Variants in MUC5AC observed in about 807,000 individuals in gnomAD.
MUC5AC encodes mucin-5AC.
A neutral mutation model predicts 169.7 loss-of-function variants in MUC5AC; 158 were observed. The observed-to-expected ratio is 0.93, with a 90% CI of 0.82 to 1.06. The LOEUF is 1.06. Among genes scored for constraint, MUC5AC ranks in the 50% least tolerant of loss-of-function variants. The pLI is 0.00. For synonymous variants in MUC5AC, 1,975 were observed against 1,237.0 expected, an observed-to-expected ratio of 1.60 and a Z score of -12.52; for missense variants, 4,359 against 3,089.9, an observed-to-expected ratio of 1.41 and a Z score of -9.74.
At chr11:1,178,108 C>G (rs973215631) in intron 24 of MUC5AC, among the ~76,000 whole-genome samples, 1 of 152,246 alleles carries the variant, frequency 6.6e-6, no homozygotes, top group African/African-American at 2.4e-5. Context: ...TTACCTCAGT[C>G]TGCAAGACCC....
In MUC5AC at chr11:1,196,737, G is replaced by C. The variant is rs763438820; in HGVS notation, c.15829+17G>C. 1 of 744,054 alleles carries C rather than the reference G, an allele frequency of 1.3e-6. No homozygotes were observed. Among genetic ancestry groups the C allele is most frequent in the Non-Finnish European group, 2.5e-6 (1 of 408,084 alleles). The allele number at this position is 744,054 out of a possible 1,614,324, so 46.1% of individuals were successfully genotyped here. On this transcript the variant is annotated intron_variant, in intron 39 of 48. Transcript: ENST00000621226. The stretch of plus-strand genomic sequence containing the variant: ...GCTGCCCCAGTACGTGCCCCAGGCC[G>C]GGGCTGGGGGGTGTGGCAGGACTGG...
chr11:1,194,008 C>T (rs971271688), intron 33 of MUC5AC, 102 bp from the exon 34 acceptor site: 7 of 693,290 alleles, frequency 1.0e-5, no homozygotes, highest in East Asian at 5.1e-5. Context: ...TGAGATGAGA[C>T]GGTGGGGGGT....
At chr11:1,197,821 G>T in intron 41 of MUC5AC, 82 bp from the exon 42 acceptor site, 2 of 648,126 alleles carry the variant, frequency 3.1e-6, no homozygotes, top group Non-Finnish European at 2.8e-6. Flanking sequence ...TAGGCGGTCC[G>T]CAATCCTAGA....
In MUC5AC at chr11:1,190,569, A is replaced by G. The variant is rs1861063750; in HGVS notation, c.12424A>G (p.Thr4142Ala). 21 of 696,654 alleles carry G rather than the reference A, an allele frequency of 3.0e-5. No individual in the cohort carries two copies. In the South Asian group the frequency reaches 3.2e-4, roughly 10 times the overall value. 43.2% of individuals were successfully genotyped at this position (696,654 alleles called of 1,614,324 possible). ...TACAACCAGCACGACCTCAGCTCCT[A>G]CACACAGAACGACTTCTGGTCCTAC... The part of the protein sequence containing the change: ...APTTSTTSAP[T>A]HRTTSGPTTS... The change falls in exon 31 of 49, where the codon ACA becomes GCA. Residue 4142 changes from threonine (T) to alanine (A), a missense_variant. Transcript: ENST00000621226.
At chr11:1,160,456 A>AC (rs33962059) in intron 1 of MUC5AC, among the ~76,000 whole-genome samples, 156 bp from the exon 2 acceptor site, 3 of 151,154 alleles carry the variant, frequency 2.0e-5, no homozygotes, top group African/African-American at 7.3e-5. Flanking sequence ...GCCTCCTAGG[A>AC]CCCCCCCAAC....
chr11:1,199,738 C>T lies in MUC5AC; in HGVS notation c.16559C>T (p.Pro5520Leu), dbSNP rs1160681873. 4.6e-5 allele frequency: 33 copies of T among 711,484 alleles called. No homozygotes were observed. The East Asian group carries it at 6.1e-4, about 13-fold the overall frequency. The allele number at this position is 711,484 out of a possible 1,614,324, so 44.1% of individuals were successfully genotyped here. The change falls in exon 47 of 49, where the codon CCG (proline) becomes CTG (leucine). Residue 5520 changes from proline to leucine, a missense_variant. Transcript: ENST00000621226. ...AAGGACGGCTGCTGCCGCTTCTGCC[C>T]GCCGCCCCCGCCCCCGTACCAGAAC... ...MSKDGCCRFC[P>L]PPPPPYQNQS...
rs1861074971 is a variant in MUC5AC, at chr11:1,190,903, CTGGAACTACT to C, written c.12759_12768del (p.Gly4254GlnfsTer33). On this transcript the variant is annotated frameshift_variant, in exon 31 of 49. Transcript: ENST00000621226. LOFTEE classifies it high-confidence loss of function. The stretch of plus-strand genomic sequence containing the variant: ...CCTACAACCAGCACAACCTCTGGTC[CTGGAACTACT>C]CCAAGCCCTGTTCCCAGCACCAGTA... 1.4e-6 allele frequency: 1 copy of C among 737,994 alleles called. No homozygotes were observed. Among genetic ancestry groups the C allele is most frequent in the African/African-American group, 1.8e-5 (1 of 56,430 alleles). 45.7% of individuals were successfully genotyped at this position (737,994 alleles called of 1,614,324 possible). A position where few individuals can be genotyped will look rare whatever the true frequency, so the allele number is the denominator to read the frequency against.
chr11:1,165,192 T>A, intron 9 of MUC5AC, 110 bp from the exon 10 acceptor site: 1 of 1,035,052 alleles, frequency 9.7e-7, no homozygotes, highest in South Asian at 1.5e-5. Flanking sequence ...CCTGGGCCCC[T>A]GGAGCTGGCT....
chr11:1,197,963 C>T lies in MUC5AC; in HGVS notation c.16094C>T (p.Pro5365Leu), dbSNP rs964271175. Residue 5365 changes from proline (P) to leucine (L), a missense_variant, in exon 42 of 49, where the codon CCG becomes CTG. Coordinates refer to ENST00000621226, the MANE Select transcript of MUC5AC (RefSeq NM_001304359.2). The stretch of plus-strand genomic sequence containing the variant: ...TGTCCTGAGGGCGCCCGCGCGATCC[C>T]GACCTACCAGGAGGGGGCCTGCTGC... Reference protein sequence around the residue: ...VGCPEGARAIPTYQEGACCPV... With the variant: ...VGCPEGARAILTYQEGACCPV... The T allele has an allele frequency of 2.6e-5, 19 of 735,112 alleles. No homozygotes were observed. The highest frequency in any genetic ancestry group is 4.2e-5 in the Non-Finnish European group (17 of 404,170). The allele number at this position is 735,112 out of a possible 1,614,324, so 45.5% of individuals were successfully genotyped here.
chr11:1,186,382 C>G lies in MUC5AC; in HGVS notation c.8237C>G (p.Pro2746Arg), dbSNP rs1860947129. 1 of 709,758 alleles carries G rather than the reference C, an allele frequency of 1.4e-6. No individual in the cohort carries two copies. The highest frequency in any genetic ancestry group is 1.5e-5 in the South Asian group (1 of 68,210). 44.0% of individuals were successfully genotyped at this position (709,758 alleles called of 1,614,324 possible). The change falls in exon 31 of 49, where the codon CCC becomes CGC. Residue 2746 changes from proline to arginine, a missense_variant. By Grantham distance (103) the Pro-to-Arg change is moderately radical (BLOSUM62 -2). Transcript: ENST00000621226. ...TTTSTTSAPT[P>R]RRTSAPTTST... Reference sequence around the variant, plus strand: ...ACCAGCACGACCTCTGCTCCTACACCCAGAAGAACCTCAGCCCCTACAACC... The same window carrying G: ...ACCAGCACGACCTCTGCTCCTACACGCAGAAGAACCTCAGCCCCTACAACC...
Position 1,179,266 on chromosome 11 carries a change from C to A in MUC5AC, c.3484+18C>A. 1 of 534,860 alleles carries A rather than the reference C, an allele frequency of 1.9e-6. No homozygotes were observed. The highest frequency in any genetic ancestry group is 2.5e-5 in the South Asian group (1 of 39,930). 33.1% of individuals were successfully genotyped at this position (534,860 alleles called of 1,614,324 possible). ...CATCTGCCGTGAGTGCGAGTGGGCA[C>A]CTGGGGAAGAACAGGAAGCGCCGGC... On this transcript the variant is annotated intron_variant, in intron 26 of 48. Transcript: ENST00000621226.
chr11:1,179,285 C>CCT, intron 26 of MUC5AC, 37 bp downstream of exon 26: 1 of 510,762 alleles, frequency 2.0e-6, no homozygotes. Flanking sequence ...GAACAGGAAG[C>CCT]GCCGGCAGCG....
rs778126064 is a variant in MUC5AC, at chr11:1,196,073, C to T, written c.15637+19C>T. 5.3e-6 allele frequency: 4 copies of T among 759,008 alleles called. No homozygotes were observed. The highest frequency in any genetic ancestry group is 5.1e-5 in the Admixed American group (3 of 58,640). The allele number at this position is 759,008 out of a possible 1,614,324, so 47.0% of individuals were successfully genotyped here. A position where few individuals can be genotyped will look rare whatever the true frequency, so the allele number is the denominator to read the frequency against. ...ATGTGCCGTGAGTGCCACCACTGTC[C>T]TCAGGGTCCCAAGTCGCTTGTGAGG... On this transcript the variant is annotated intron_variant, in intron 37 of 48. Transcript: ENST00000621226.
At position 1,178,686 on chromosome 11, in the gene MUC5AC, A is replaced by G; in HGVS notation, c.3327+3A>G. The G allele has an allele frequency of 7.8e-7, 1 of 1,290,106 alleles. No homozygotes were observed. The highest frequency in any genetic ancestry group is 9.9e-7 in the Non-Finnish European group (1 of 1,007,868). 79.9% of individuals were successfully genotyped at this position (1,290,106 alleles called of 1,614,324 possible). On this transcript the variant is annotated splice_donor_region_variant and intron_variant, in intron 25 of 48. Coordinates refer to ENST00000621226, the MANE Select transcript of MUC5AC (RefSeq NM_001304359.2). ...CCTTCGCCGCCTGCCACGCACACGT[A>G]TGCTGGCCGGGGGGCGTTTCTCTGG... is the stretch of plus-strand genomic sequence containing the variant.
In MUC5AC at chr11:1,192,130, A is replaced by G. The variant is rs1192595564; in HGVS notation, c.13985A>G (p.Glu4662Gly). ...ETYNNIIRSG[E>G]KICRRPEEIT... ...TACAACAACATCATCAGGAGTGGGG[A>G]AAAAATCTGCCGCCGACCTGAGGAG... is the stretch of plus-strand genomic sequence containing the variant. The change falls in exon 31 of 49, where the codon GAA becomes GGA. Residue 4662 changes from glutamate (E) to glycine (G), a missense_variant. By Grantham distance (98) the Glu-to-Gly change is moderately conservative (BLOSUM62 -2). Transcript: ENST00000621226. 3.9e-6 allele frequency: 3 copies of G among 764,922 alleles called. No individual in the cohort carries two copies. Among genetic ancestry groups the G allele is most frequent in the African/African-American group, 3.4e-5 (2 of 59,116 alleles). The allele number at this position is 764,922 out of a possible 1,614,324, so 47.4% of individuals were successfully genotyped here. A position where few individuals can be genotyped will look rare whatever the true frequency, so the allele number is the denominator to read the frequency against.
In MUC5AC at chr11:1,192,770, C is replaced by T. The variant is rs1440400321; in HGVS notation, c.14381-13C>T. 1 of 749,850 alleles carries T rather than the reference C, an allele frequency of 1.3e-6. No individual in the cohort carries two copies. The highest frequency in any genetic ancestry group is 2.5e-6 in the Non-Finnish European group (1 of 406,426). The allele number at this position is 749,850 out of a possible 1,614,324, so 46.4% of individuals were successfully genotyped here. On this transcript the variant is annotated splice_polypyrimidine_tract_variant and intron_variant, in intron 31 of 48. Transcript: ENST00000621226. ...GACTCCACTAAAGGCTGCCATGTCC[C>T]TTCCTCTTACAGGATCCACCATATA...
chr11:1,193,976 C>T (rs1182678419), intron 33 of MUC5AC, 134 bp from the exon 34 acceptor site: 11 of 650,876 alleles, frequency 1.7e-5, no homozygotes, highest in Admixed American at 4.3e-5. Context: ...GTTCTGATGA[C>T]GTGAGGGTCT....
chr11:1,194,021 G>A (rs1861192415), intron 33 of MUC5AC, 89 bp from the exon 34 acceptor site: 1 of 700,048 alleles, frequency 1.4e-6, no homozygotes, highest in Non-Finnish European at 2.6e-6. Flanking sequence ...TGGGGGGTCA[G>A]GGACAGATGT....
In MUC5AC at chr11:1,165,318, C is replaced by T; in HGVS notation, c.1146C>T (p.Asp382=). Residue 382 remains aspartate, a synonymous_variant, in exon 10 of 49, where the codon GAC becomes GAT. Transcript: ENST00000621226. ...CCCCTGCAGGGACGGTGCTTGACGA[C>T]ATCGGCCAGACCGGCTGTGTCCCTG... is the stretch of plus-strand genomic sequence containing the variant. The part of the protein sequence containing the change: ...CFCPEGTVLD[D]IGQTGCVPVS... The T allele has an allele frequency of 2.5e-6, 4 of 1,612,100 alleles. No homozygotes were observed. Among genetic ancestry groups the T allele is most frequent in the Non-Finnish European group, 3.4e-6 (4 of 1,179,600 alleles).
Sources: gnomAD v4.1 joint callset for allele counts (sites outside exome capture counted in the v4.1 genomes callset) on GRCh38, gnomAD v4.1.1 for gene constraint, MANE v1.5 for transcripts, NCBI Gene and HGNC (gene_info 2026-07-23, HGNC 2026-07-21) for gene names.